Variants in TRPM3 observed in about 807,000 individuals in gnomAD.
The protein encoded by TRPM3 is long transient receptor potential channel 3.
A neutral mutation model predicts 181.2 loss-of-function variants in TRPM3; 77 were observed. The observed-to-expected ratio is 0.42, with a 90% CI of 0.35 to 0.51. The LOEUF (loss-of-function observed/expected upper bound fraction) is 0.51, where lower values mean the gene tolerates loss of function less well. Ranked by LOEUF, TRPM3 falls within the 20% of genes least tolerant of loss-of-function variation. The pLI, the probability that TRPM3 is intolerant of heterozygous loss-of-function variation, is 0.01. For missense variants in TRPM3, 1,759 were observed against 2,196.7 expected (o/e 0.80, Z 3.98); for synonymous variants, 745 against 796.4 (o/e 0.94, Z 1.09).
intron 1 of TRPM3, among the ~76,000 whole-genome samples, chr9:71,307,786 C>G (rs1176406453): frequency 6.6e-6 from 1 of 152,078 alleles, no homozygotes; most frequent in East Asian, 1.9e-4. Context: ...GAAAAATGCT[C>G]AATCTCTTTG....
chr9:71,212,457 A>C (rs1224922463), intron 1 of TRPM3, among the ~76,000 whole-genome samples: 1 of 152,214 alleles, frequency 6.6e-6, no homozygotes, highest in African/African-American at 2.4e-5. Context: ...TTATATGAAA[A>C]AAAAGTTTCC....
chr9:70,680,786 G>T (rs1856654), intron 9 of TRPM3, among the ~76,000 whole-genome samples: 132,776 of 152,184 alleles, frequency 0.87, 58,086 homozygotes, highest in Non-Finnish European at 0.91. Flanking sequence ...CTGCAAATTA[G>T]TAGTGAAGTG....
intron 1 of TRPM3, among the ~76,000 whole-genome samples, chr9:70,889,553 T>C (rs2096158390): frequency 6.6e-6 from 1 of 152,206 alleles, no homozygotes; most frequent in South Asian, 2.1e-4. Flanking sequence ...GACTTTTCTT[T>C]GGAAATATTG....
intron 1 of TRPM3, among the ~76,000 whole-genome samples, chr9:71,243,820 A>C (rs147467416): frequency 6.6e-6 from 1 of 152,350 alleles, no homozygotes; most frequent in East Asian, 1.9e-4. Context: ...AATATTCAAA[A>C]GTTATAAACA....
chr9:70,850,733 T>C (rs2095193903), intron 3 of TRPM3, among the ~76,000 whole-genome samples: 1 of 152,200 alleles, frequency 6.6e-6, no homozygotes, highest in Non-Finnish European at 1.5e-5. Context: ...TTTTGACTAA[T>C]TCCAGAACAG....
chr9:71,154,633 C>T (rs2075894813), intron 1 of TRPM3, among the ~76,000 whole-genome samples: 1 of 152,168 alleles, frequency 6.6e-6, no homozygotes, highest in Non-Finnish European at 1.5e-5. Context: ...CAGGTTTAGA[C>T]TGTCCTTTGT....
chr9:71,251,257 A>G (rs1214422622), intron 1 of TRPM3, among the ~76,000 whole-genome samples: 1 of 152,178 alleles, frequency 6.6e-6, no homozygotes, highest in East Asian at 1.9e-4. Context: ...CAGAAAATAC[A>G]AAGATTAATG....
At chr9:70,995,933 T>C (rs1387946259) in intron 1 of TRPM3, among the ~76,000 whole-genome samples, 1 of 152,150 alleles carries the variant, frequency 6.6e-6, no homozygotes, top group Non-Finnish European at 1.5e-5. Flanking sequence ...CCCTCTATAA[T>C]TCCCTGGAGC....
chr9:71,220,794 C>G (rs1240311716), intron 1 of TRPM3, among the ~76,000 whole-genome samples: 1 of 152,176 alleles, frequency 6.6e-6, no homozygotes, highest in Non-Finnish European at 1.5e-5. Flanking sequence ...CCTGACCACC[C>G]TCCAAAGAGC....
At chr9:70,541,655 G>GTTT (rs2043395763) in intron 25 of TRPM3, among the ~76,000 whole-genome samples, 1 of 152,040 alleles carries the variant, frequency 6.6e-6, no homozygotes, top group African/African-American at 2.4e-5. Flanking sequence ...GGGATTAAAG[G>GTTT]CATGCATCAC....
intron 1 of TRPM3, among the ~76,000 whole-genome samples, chr9:71,358,769 G>T (rs2092014496): frequency 6.6e-6 from 1 of 152,156 alleles, no homozygotes; most frequent in African/African-American, 2.4e-5. Flanking sequence ...CTACCACCAA[G>T]CACTTGATCA....
chr9:71,336,115 C>A (rs1470911682), intron 1 of TRPM3, among the ~76,000 whole-genome samples: 2 of 151,742 alleles, frequency 1.3e-5, no homozygotes, highest in Non-Finnish European at 2.9e-5. Flanking sequence ...ATTCTTCTCA[C>A]CTAGGAAGTA....
chr9:71,367,237 T>C (rs543821689), intron 1 of TRPM3, among the ~76,000 whole-genome samples: 72 of 152,318 alleles, frequency 4.7e-4, no homozygotes, highest in African/African-American at 1.6e-3. Flanking sequence ...AACCATGTAT[T>C]TGATCAATAT....
chr9:70,543,277 A>G (rs573127487), intron 25 of TRPM3, among the ~76,000 whole-genome samples: 8 of 152,324 alleles, frequency 5.3e-5, no homozygotes, highest in African/African-American at 1.9e-4. Context: ...CAGGCAAGCA[A>G]TGTGAAATAA....
At chr9:70,756,686 C>T (rs543298788) in intron 8 of TRPM3, among the ~76,000 whole-genome samples, 1 of 152,318 alleles carries the variant, frequency 6.6e-6, no homozygotes, top group South Asian at 2.1e-4. Flanking sequence ...AAAGAACTCA[C>T]TCAAACCATA....
At position 70,836,114 on chromosome 9, in the gene TRPM3, C is replaced by T. The variant is rs530238131; in HGVS notation, c.801+6889G>A. On this transcript the variant is annotated intron_variant, in intron 5 of 25. Transcript: ENST00000677713. The stretch of plus-strand genomic sequence containing the variant: ...AATGATAAACCTCCAGGTTAAAACT[C>T]CTTCAACATCCTGACACCAATCTTC... 4.6e-5 allele frequency among the ~76,000 whole-genome samples: 7 copies of T among 152,264 alleles called. No individual in the cohort carries two copies. In the South Asian group the frequency reaches 1.5e-3, roughly 32 times the overall value.
intron 1 of TRPM3, among the ~76,000 whole-genome samples, chr9:70,889,313 T>C (rs2096152428): frequency 6.6e-6 from 1 of 152,200 alleles, no homozygotes; most frequent in Admixed American, 6.5e-5. Flanking sequence ...TTGATTCTTT[T>C]GAGAAGTTGA....
At chr9:71,314,152 T>A (rs149819321) in intron 1 of TRPM3, among the ~76,000 whole-genome samples, 282 of 152,252 alleles carry the variant, frequency 1.9e-3, no homozygotes, top group African/African-American at 6.5e-3. Context: ...TTCACTGTAA[T>A]GCCTCCCTAT....
chr9:71,207,219 T>C (rs1454096308), intron 1 of TRPM3, among the ~76,000 whole-genome samples: 2 of 152,146 alleles, frequency 1.3e-5, no homozygotes, highest in Non-Finnish European at 2.9e-5. Flanking sequence ...AAAAACACCA[T>C]GCTGCTAACA....
Sources: gnomAD v4.1 joint callset for allele counts (sites outside exome capture counted in the v4.1 genomes callset) on GRCh38, gnomAD v4.1.1 for gene constraint, MANE v1.5 for transcripts, NCBI Gene and HGNC (gene_info 2026-07-23, HGNC 2026-07-21) for gene names.